Variants in FGGY observed in about 807,000 individuals in gnomAD.
FGGY encodes the protein FGGY carbohydrate kinase domain-containing protein.
Under a neutral mutation model 71.3 loss-of-function variants are expected in FGGY, and 72 were observed. The observed-to-expected ratio is 1.01, with a 90% CI of 0.84 to 1.23. FGGY has a LOEUF of 1.23. FGGY is among the 50% of genes most tolerant of loss of function. FGGY has a pLI of 0.00. For synonymous variants in FGGY, 251 were observed against 250.3 expected, an observed-to-expected ratio of 1.00 and a Z score of -0.02; for missense variants, 668 against 682.3, an observed-to-expected ratio of 0.98 and a Z score of 0.23.
At chr1:59,690,233 G>A (rs1266531951) in intron 14 of FGGY, among the ~76,000 whole-genome samples, 1 of 152,146 alleles carries the variant, frequency 6.6e-6, no homozygotes, top group Non-Finnish European at 1.5e-5. Context: ...GCCCCTAAAA[G>A]TGATAGAGGG....
At chr1:59,580,637 G>A (rs367991205) in intron 8 of FGGY, among the ~76,000 whole-genome samples, 11 of 152,048 alleles carry the variant, frequency 7.2e-5, no homozygotes, top group African/African-American at 1.9e-4. Flanking sequence ...TTCAGCAACC[G>A]CAGGTCCTTC....
intron 6 of FGGY, among the ~76,000 whole-genome samples, chr1:59,476,449 G>C (rs2093270736): frequency 1.3e-5 from 2 of 152,236 alleles, no homozygotes; most frequent in Admixed American, 1.3e-4. Flanking sequence ...GTCTGCTCCA[G>C]ATCCTGCACA....
intron 14 of FGGY, among the ~76,000 whole-genome samples, chr1:59,718,142 G>A (rs1449837590): frequency 3.3e-5 from 5 of 152,302 alleles, no homozygotes; most frequent in Middle Eastern, 6.8e-3. Flanking sequence ...GTGGGTCCAA[G>A]ACCATAAGGG....
At chr1:59,424,705 T>C (rs1012534456) in intron 5 of FGGY, among the ~76,000 whole-genome samples, 4 of 152,230 alleles carry the variant, frequency 2.6e-5, no homozygotes, top group African/African-American at 9.6e-5. Context: ...GACTTTGTCT[T>C]GGCAATTATG....
chr1:59,474,639 A>G (rs951152548), intron 6 of FGGY, among the ~76,000 whole-genome samples: 5 of 152,234 alleles, frequency 3.3e-5, no homozygotes, highest in Non-Finnish European at 5.9e-5. Context: ...AATTTACCCA[A>G]TCCATTGTCC....
chr1:59,628,421 C>G lies in FGGY; in HGVS notation c.1073+2372C>G, dbSNP rs191237174. On this transcript the variant is annotated intron_variant, in intron 10 of 15. Coordinates refer to ENST00000303721, the MANE Select transcript of FGGY (RefSeq NM_018291.5). ...GAAACTTAAATACTGAAGAACTGTC[C>G]TAGATTGGAGGAGACTTAAGGAGGT... Among the ~76,000 whole-genome samples, 198 of 152,212 alleles carry G rather than the reference C, an allele frequency of 1.3e-3. 2 individuals carry two copies. The highest frequency in any genetic ancestry group is 4.6e-3 in the African/African-American group (190 of 41,534).
intron 14 of FGGY, among the ~76,000 whole-genome samples, chr1:59,680,191 T>C (rs1175341523): frequency 1.4e-5 from 2 of 147,114 alleles, no homozygotes; most frequent in Non-Finnish European, 3.0e-5. Context: ...TATTATCAGC[T>C]TTTTTTTTTA....
chr1:59,634,755 A>T (rs1372838576), intron 10 of FGGY, among the ~76,000 whole-genome samples: 5 of 152,222 alleles, frequency 3.3e-5, no homozygotes, highest in Non-Finnish European at 7.3e-5. Flanking sequence ...TTTATTGATA[A>T]ACCTGTCATT....
chr1:59,587,861 A>G (rs1244800730), intron 8 of FGGY, among the ~76,000 whole-genome samples: 1 of 152,196 alleles, frequency 6.6e-6, no homozygotes, highest in Non-Finnish European at 1.5e-5. Flanking sequence ...ACAGAGCAGA[A>G]AAACTGGAAA....
At chr1:59,665,770 T>G (rs570645212) in intron 12 of FGGY, among the ~76,000 whole-genome samples, 9 of 151,582 alleles carry the variant, frequency 5.9e-5, no homozygotes, top group African/African-American at 2.2e-4. Flanking sequence ...ACCTCCCAGG[T>G]TCACACCATT....
intron 7 of FGGY, among the ~76,000 whole-genome samples, chr1:59,513,026 G>A (rs533869047): frequency 6.6e-6 from 1 of 152,246 alleles, no homozygotes; most frequent in East Asian, 1.9e-4. Flanking sequence ...GCTTTTAATG[G>A]GAAAACACAC....
intron 8 of FGGY, among the ~76,000 whole-genome samples, chr1:59,585,833 C>G (rs2153770115): frequency 6.6e-6 from 1 of 151,778 alleles, no homozygotes; most frequent in Middle Eastern, 3.4e-3. Context: ...AGAAAAAAAC[C>G]CCATCAACAA....
intron 5 of FGGY, among the ~76,000 whole-genome samples, chr1:59,402,546 AT>A (rs1456897312): frequency 6.6e-6 from 1 of 152,230 alleles, no homozygotes; most frequent in Non-Finnish European, 1.5e-5. Flanking sequence ...ATATAATTAT[AT>A]GTTTTTGCGG....
At chr1:59,297,767 G>A (rs1315246143) in intron 1 of FGGY, among the ~76,000 whole-genome samples, 1 of 151,804 alleles carries the variant, frequency 6.6e-6, no homozygotes, top group Non-Finnish European at 1.5e-5. Flanking sequence ...AGCTTGCAGT[G>A]AGCTGAGATC....
chr1:59,607,139 G>A (rs961700754), intron 8 of FGGY, among the ~76,000 whole-genome samples: 9 of 152,228 alleles, frequency 5.9e-5, no homozygotes, highest in African/African-American at 2.2e-4. Context: ...GGCTAGGTGA[G>A]TCTGATGATC....
intron 6 of FGGY, among the ~76,000 whole-genome samples, chr1:59,495,017 ATCTTCTGAC>A (rs1276520950): frequency 6.6e-6 from 1 of 152,092 alleles, no homozygotes; most frequent in Non-Finnish European, 1.5e-5. Context: ...AGTATCTGTT[ATCTTCTGAC>A]TTTTTAATGA....
At chr1:59,705,669 T>C (rs1338135282) in intron 14 of FGGY, among the ~76,000 whole-genome samples, 1 of 152,210 alleles carries the variant, frequency 6.6e-6, no homozygotes. Flanking sequence ...TACTTACCAC[T>C]TGACTTTGAG....
intron 14 of FGGY, among the ~76,000 whole-genome samples, chr1:59,721,640 TAC>T (rs1330140322): frequency 6.6e-6 from 1 of 151,900 alleles, no homozygotes; most frequent in Admixed American, 6.6e-5. Flanking sequence ...ACCCAGCAGA[TAC>T]AGAGAGTTTT....
rs191101990 is a variant in FGGY at position 59,434,790 on chromosome 1, C to G, written c.555-22171C>G. Among the ~76,000 whole-genome samples, 1,138 of 152,232 alleles carry G rather than the reference C, an allele frequency of 7.5e-3. 4 individuals are homozygous for G. Among genetic ancestry groups the G allele is most frequent in the Middle Eastern group, 0.054 (16 of 294 alleles). On this transcript the variant is annotated intron_variant, in intron 5 of 15. Coordinates refer to ENST00000303721, the MANE Select transcript of FGGY (RefSeq NM_018291.5). ...GACCTAATCACCTCCCAAAGCCCCC[C>G]CCACCTCCAAATACCATCACCTTGA...
Sources: gnomAD v4.1 joint callset for allele counts (sites outside exome capture counted in the v4.1 genomes callset) on GRCh38, gnomAD v4.1.1 for gene constraint, MANE v1.5 for transcripts, NCBI Gene and HGNC (gene_info 2026-07-23, HGNC 2026-07-21) for gene names.